C11orf65: variants seen among roughly 807,000 people sequenced by gnomAD.
The protein encoded by C11orf65 is chromosome 11 open reading frame 65.
C11orf65 carries 38 observed loss-of-function variants against 35.3 expected under a neutral mutation model. The ratio of observed to expected loss-of-function variants is 1.08; its 90% confidence interval spans 0.83 to 1.41. The LOEUF is 1.41. Ranked by LOEUF, C11orf65 falls within the 40% of genes most tolerant of loss-of-function variation. The pLI is 0.00. For missense variants in C11orf65, 370 were observed against 367.1 expected (o/e 1.01, Z -0.06); for synonymous variants, 105 against 114.4 (o/e 0.92, Z 0.53).
At chr11:108,363,065 A>G (rs2090978575) in intron 2 of C11orf65, among the ~76,000 whole-genome samples, 1 of 152,184 alleles carries the variant, frequency 6.6e-6, no homozygotes, top group African/African-American at 2.4e-5. Context: ...AATCTGTCCG[A>G]ATTTCCCCAA....
rs376158749 is a variant in C11orf65 at position 108,317,615 on chromosome 11, TTATATATATATA to T, written c.641-8556_641-8545del. Reference sequence around the variant, plus strand: ...TTCTATGAATATAACAGGAGTTGTTTTATATATATATATATATATATATATATATATATATAT... The same window carrying T: ...TTCTATGAATATAACAGGAGTTGTTTTATATATATATATATATATATATAT... On this transcript the variant is annotated intron_variant, in intron 6 of 6. Transcript: ENST00000525729. The T allele has an allele frequency of 1.1e-3, 240 of 215,258 alleles. 3 individuals are homozygous for T. Among genetic ancestry groups the T allele is most frequent in the African/African-American group, 2.4e-3 (52 of 21,728 alleles). 13.3% of individuals were successfully genotyped at this position (215,258 alleles called of 1,614,324 possible). A position where few individuals can be genotyped will look rare whatever the true frequency, so the allele number is the denominator to read the frequency against.
At position 108,317,175 on chromosome 11, in the gene C11orf65, G is replaced by T. The variant is rs563807422; in HGVS notation, c.641-8104C>A. 1.1e-4 allele frequency among the ~76,000 whole-genome samples: 16 copies of T among 151,818 alleles called. No homozygotes were observed. In the South Asian group the frequency reaches 3.3e-3, roughly 32 times the overall value. ...GCTGGTCTCAAACTCCTGGGCTCAA[G>T]TGATCCTCCTGCCTCAGCCTCCCAA... On this transcript the variant is annotated intron_variant, in intron 6 of 6. Coordinates refer to the C11orf65 transcript ENST00000525729.
chr11:108,325,128 C>T (rs1409372230), intron 6 of C11orf65, among the ~76,000 whole-genome samples: 2 of 151,964 alleles, frequency 1.3e-5, no homozygotes, highest in African/African-American at 4.8e-5. Flanking sequence ...GACCGCATAG[C>T]ATTTTGTAGT....
At chr11:108,459,747 A>T (rs1193911565) in intron 2 of C11orf65, among the ~76,000 whole-genome samples, 1 of 149,566 alleles carries the variant, frequency 6.7e-6, no homozygotes, top group Non-Finnish European at 1.5e-5. Flanking sequence ...ACACACACAC[A>T]CACACACACA....
intron 6 of C11orf65, among the ~76,000 whole-genome samples, chr11:108,323,342 A>T (rs1397819298): frequency 1.3e-5 from 2 of 152,170 alleles, no homozygotes; most frequent in Non-Finnish European, 2.9e-5. Flanking sequence ...TGCTGAAAAG[A>T]GTACAGAATT....
At chr11:108,336,041 A>G in intron 2 of C11orf65, 1 of 1,096,294 alleles carries the variant, frequency 9.1e-7, no homozygotes, top group Non-Finnish European at 1.4e-6. Context: ...TCATGCCCAT[A>G]TTCATAATGC....
chr11:108,456,173 A>G (rs2093409373), intron 2 of C11orf65, among the ~76,000 whole-genome samples: 1 of 152,166 alleles, frequency 6.6e-6, no homozygotes, highest in South Asian at 2.1e-4. Context: ...AAATAAATAT[A>G]CACAAATAGA....
chr11:108,456,782 GAAAA>G (rs992071306), intron 2 of C11orf65, among the ~76,000 whole-genome samples: 1 of 127,844 alleles, frequency 7.8e-6, no homozygotes, highest in Non-Finnish European at 1.7e-5. Flanking sequence ...ATCAAAGAAA[GAAAA>G]AAAAAAGAAA....
downstream of C11orf65, chr11:108,327,855 T>G (rs1050483522): frequency 4.0e-6 from 4 of 990,506 alleles, no homozygotes; most frequent in African/African-American, 6.5e-5. Flanking sequence ...AATAAAAGTA[T>G]GGTTTTATTT....
At chr11:108,309,797 G>T (rs2083990761) in intron 6 of C11orf65, among the ~76,000 whole-genome samples, 3 of 152,076 alleles carry the variant, frequency 2.0e-5, no homozygotes, top group Admixed American at 2.0e-4. Context: ...GTGTGTGTTG[G>T]GGGGTGCTTG....
At chr11:108,334,933 C>T (rs1313641719) in intron 3 of C11orf65, 2 of 1,592,280 alleles carry the variant, frequency 1.3e-6, no homozygotes, top group Non-Finnish European at 1.7e-6. Context: ...AATAGTGTAT[C>T]TGACCTATTA....
In C11orf65 at chr11:108,316,086, ATCAAC is replaced by A. The variant is rs1348587218; in HGVS notation, c.641-7020_641-7016del. On this transcript the variant is annotated intron_variant, in intron 6 of 6. Coordinates refer to the C11orf65 transcript ENST00000525729. ...ATGACCTCGAAACAGCAATCCCCTCATCAACACGCCAGGCAGGAATCATTCAGGTA... is the reference window on the plus strand; with the variant it reads ...ATGACCTCGAAACAGCAATCCCCTCAACGCCAGGCAGGAATCATTCAGGTA... The A allele has an allele frequency of 6.2e-7, 1 of 1,614,034 alleles. No homozygotes were observed. Among genetic ancestry groups the A allele is most frequent in the Non-Finnish European group, 8.5e-7 (1 of 1,180,006 alleles).
chr11:108,395,329 AT>A (rs761424830), intron 6 of C11orf65, among the ~76,000 whole-genome samples: 290 of 140,796 alleles, frequency 2.1e-3, no homozygotes, highest in Middle Eastern at 3.6e-3. Context: ...TGTCTCTACA[AT>A]TTTTTTTTTT....
At chr11:108,461,059 C>T (rs533265411) in intron 2 of C11orf65, among the ~76,000 whole-genome samples, 46 of 151,680 alleles carry the variant, frequency 3.0e-4, no homozygotes, top group Non-Finnish European at 5.9e-4. Context: ...GAATGGCACA[C>T]AATTCTGCAA....
At chr11:108,455,343 C>A (rs185073336) in intron 2 of C11orf65, among the ~76,000 whole-genome samples, 1 of 152,130 alleles carries the variant, frequency 6.6e-6, no homozygotes, top group East Asian at 1.9e-4. Context: ...ATACAGAAGA[C>A]CTTAAAGACT....
At position 108,358,687 on chromosome 11, in the gene C11orf65, G is replaced by T. The variant is rs12362933; in HGVS notation, c.227-23395C>A. On this transcript the variant is annotated intron_variant, in intron 2 of 3. Coordinates refer to the C11orf65 transcript ENST00000524755. The stretch of plus-strand genomic sequence containing the variant: ...TTTTCAACCCAGAATTTCATATCCA[G>T]CCAAACTAAGCTTCATCAGTGAAGT... 2.7e-3 allele frequency among the ~76,000 whole-genome samples: 403 copies of T among 148,470 alleles called. 2 individuals are homozygous for T. Among genetic ancestry groups the T allele is most frequent in the East Asian group, 3.6e-3 (18 of 5,026 alleles).
At chr11:108,334,047 T>G in intron 3 of C11orf65, 1 of 1,172,134 alleles carries the variant, frequency 8.5e-7, no homozygotes. Context: ...AGTATTTTTA[T>G]GTAGGTCAAA....
intron 2 of C11orf65, among the ~76,000 whole-genome samples, chr11:108,374,797 C>T (rs916411349): frequency 6.6e-6 from 1 of 152,106 alleles, no homozygotes; most frequent in African/African-American, 2.4e-5. Flanking sequence ...CTTAAAGGAG[C>T]TGATGGAGCT....
At chr11:108,339,421 T>G (rs2087240239) in intron 2 of C11orf65, among the ~76,000 whole-genome samples, 1 of 152,146 alleles carries the variant, frequency 6.6e-6, no homozygotes, top group Admixed American at 6.6e-5. Context: ...CATAATATCT[T>G]AAGACATTCA....
Sources: gnomAD v4.1 joint callset for allele counts (sites outside exome capture counted in the v4.1 genomes callset) on GRCh38, gnomAD v4.1.1 for gene constraint, MANE v1.5 for transcripts, NCBI Gene and HGNC (gene_info 2026-07-23, HGNC 2026-07-21) for gene names.